The following KANSL1L variants were observed in gnomAD, a reference collection of about 807,000 sequenced individuals.
The protein encoded by KANSL1L is KAT8 regulatory NSL complex subunit 1 like.
In KANSL1L, 25 loss-of-function variants were observed where a neutral mutation model predicts 108.6. The observed-to-expected ratio is 0.23, with a 90% CI of 0.17 to 0.32. The LOEUF (loss-of-function observed/expected upper bound fraction) is 0.32. Ranked by LOEUF, KANSL1L falls within the 10% of genes least tolerant of loss-of-function variation. KANSL1L has a pLI of 1.00. For missense variants in KANSL1L, 1,137 were observed against 1,125.7 expected, an observed-to-expected ratio of 1.01 and a Z score of -0.14; for synonymous variants, 405 against 395.1, an observed-to-expected ratio of 1.03 and a Z score of -0.30.
intron 3 of KANSL1L, among the ~76,000 whole-genome samples, chr2:210,113,688 A>T (rs1334044386): frequency 2.6e-5 from 4 of 152,236 alleles, no homozygotes; most frequent in African/African-American, 9.6e-5. Flanking sequence ...GAAAAAGTCA[A>T]GAAAAAGATG....
At chr2:210,155,465 CAGCTG>C (rs548790794) in intron 1 of KANSL1L, among the ~76,000 whole-genome samples, 356 of 152,242 alleles carry the variant, frequency 2.3e-3, no homozygotes, top group African/African-American at 8.0e-3. Flanking sequence ...TATAACTTCA[CAGCTG>C]TTAAAAATAT....
In KANSL1L at chr2:210,154,112, T is replaced by C; in HGVS notation, c.471A>G (p.Ile157Met). 1 of 1,614,066 alleles carries C rather than the reference T, an allele frequency of 6.2e-7. No individual in the cohort carries two copies. Among genetic ancestry groups the C allele is most frequent in the Non-Finnish European group, 8.5e-7 (1 of 1,179,970 alleles). Residue 157 changes from isoleucine to methionine, a missense_variant, in exon 2 of 15, where the codon ATA (isoleucine) becomes ATG (methionine). This residue lies in a region of KANSL1L where 556 missense variants were observed against 537.7 expected (regional missense o/e 1.03). Coordinates refer to ENST00000281772, the MANE Select transcript of KANSL1L (RefSeq NM_152519.4). Reference sequence around the variant, plus strand: ...CTTTATCTACATTAGTGTCTTTGGTTATATTTGAATCCAGAATAATTTGTA... The same window carrying C: ...CTTTATCTACATTAGTGTCTTTGGTCATATTTGAATCCAGAATAATTTGTA... Reference protein sequence around the residue: ...KDVQIILDSNITKDTNVDKVQ... With the variant: ...KDVQIILDSNMTKDTNVDKVQ...
chr2:210,119,915 C>T (rs1362381432), intron 3 of KANSL1L, among the ~76,000 whole-genome samples: 3 of 152,116 alleles, frequency 2.0e-5, no homozygotes, highest in Admixed American at 2.0e-4. Flanking sequence ...CATCAGGCTA[C>T]CCAACTTCAA....
intron 3 of KANSL1L, among the ~76,000 whole-genome samples, chr2:210,115,271 G>A (rs1375851788): frequency 6.6e-6 from 1 of 151,874 alleles, no homozygotes; most frequent in African/African-American, 2.4e-5. Context: ...AGACAAAACA[G>A]ATTTTAAATT....
chr2:210,078,312 T>C (rs2094556754), intron 5 of KANSL1L, among the ~76,000 whole-genome samples: 1 of 152,212 alleles, frequency 6.6e-6, no homozygotes, highest in African/African-American at 2.4e-5. Flanking sequence ...AGAAACATCA[T>C]TATGTGGTGC....
At chr2:210,050,520 T>C (rs924314619) in intron 6 of KANSL1L, among the ~76,000 whole-genome samples, 1 of 151,956 alleles carries the variant, frequency 6.6e-6, no homozygotes, top group African/African-American at 2.4e-5. Context: ...TATATAAATA[T>C]AGTAGTCTCC....
chr2:210,160,631 T>C (rs1313648257), intron 1 of KANSL1L, among the ~76,000 whole-genome samples: 1 of 152,200 alleles, frequency 6.6e-6, no homozygotes, highest in Non-Finnish European at 1.5e-5. Flanking sequence ...ATGGTCTTTA[T>C]ACTGAAAAAT....
intron 1 of KANSL1L, among the ~76,000 whole-genome samples, chr2:210,162,588 A>G (rs2095367864): frequency 6.6e-6 from 1 of 152,118 alleles, no homozygotes; most frequent in African/African-American, 2.4e-5. Flanking sequence ...TGGCATATAA[A>G]TAGTATTTAC....
At chr2:210,129,209 A>C in intron 2 of KANSL1L, 37 bp from the exon 3 acceptor site, 1 of 1,524,206 alleles carries the variant, frequency 6.6e-7, no homozygotes, top group African/African-American at 1.4e-5. Context: ...CAAAGCACAA[A>C]GGCAATCAAG....
intron 14 of KANSL1L, among the ~76,000 whole-genome samples, chr2:210,023,483 C>T (rs2093890162): frequency 6.6e-6 from 1 of 152,150 alleles, no homozygotes. Flanking sequence ...TGATATACTT[C>T]TACAGTATCT....
intron 2 of KANSL1L, among the ~76,000 whole-genome samples, chr2:210,141,208 TTTTC>T (rs1315159978): frequency 1.3e-5 from 2 of 151,894 alleles, no homozygotes; most frequent in African/African-American, 4.8e-5. Context: ...TTCTTTTTTC[TTTTC>T]TTTCCTTTTT....
intron 2 of KANSL1L, among the ~76,000 whole-genome samples, chr2:210,145,876 G>A (rs1404047736): frequency 2.0e-5 from 3 of 152,124 alleles, no homozygotes; most frequent in Admixed American, 1.3e-4. Context: ...TGCGGCCATG[G>A]AGCCAAGGCC....
At chr2:210,062,203 T>G (rs369090824) in intron 6 of KANSL1L, among the ~76,000 whole-genome samples, 180 of 152,274 alleles carry the variant, frequency 1.2e-3, no homozygotes, top group African/African-American at 3.9e-3. Context: ...TCTCATGAGA[T>G]CTGATGGTTT....
rs2095323831 is a variant in KANSL1L, at chr2:210,154,699, C to T, written c.-29-88G>A. On this transcript the variant is annotated intron_variant, in intron 1 of 14. Transcript: ENST00000281772. ...TCTAAGGGCAACATGTTCAATGTTT[C>T]TGATTAGAACATGAAGGAACAAAAC... 4.3e-6 allele frequency: 3 copies of T among 701,300 alleles called. No individual in the cohort carries two copies. In the East Asian group the frequency reaches 9.2e-5, roughly 22 times the overall value. The allele number at this position is 701,300 out of a possible 1,614,324, so 43.4% of individuals were successfully genotyped here.
chr2:210,152,433 T>A (rs2095309835), intron 2 of KANSL1L: 1 of 152,206 alleles, frequency 6.6e-6, no homozygotes, highest in Non-Finnish European at 1.5e-5. Flanking sequence ...ATTTCCAACA[T>A]CTCAGAAGTT....
chr2:210,076,590 T>C (rs2094543948), intron 5 of KANSL1L, among the ~76,000 whole-genome samples: 1 of 152,072 alleles, frequency 6.6e-6, no homozygotes, highest in Non-Finnish European at 1.5e-5. Flanking sequence ...AAATTTCCAA[T>C]GTTACAGAAA....
chr2:210,128,829 T>A (rs983618047), intron 3 of KANSL1L, among the ~76,000 whole-genome samples: 4 of 152,106 alleles, frequency 2.6e-5, no homozygotes, highest in Non-Finnish European at 4.4e-5. Flanking sequence ...TCTGAATTGC[T>A]CAAAAAGTAT....
chr2:210,084,113 A>G (rs1401322472), intron 5 of KANSL1L, among the ~76,000 whole-genome samples: 3 of 152,120 alleles, frequency 2.0e-5, no homozygotes, highest in Admixed American at 6.5e-5. Flanking sequence ...TTCTTTAAAA[A>G]TAAGATGTAG....
At chr2:210,076,850 T>C (rs1475822932) in intron 5 of KANSL1L, among the ~76,000 whole-genome samples, 3 of 152,032 alleles carry the variant, frequency 2.0e-5, no homozygotes, top group Non-Finnish European at 4.4e-5. Flanking sequence ...CTTAGTTATG[T>C]AGACAAAAGC....
Sources: allele counts gnomAD v4.1 joint callset (sites outside exome capture counted in the v4.1 genomes callset), GRCh38; gene constraint gnomAD v4.1.1; regional missense constraint gnomAD v4.1.1; transcripts MANE v1.5; gene names NCBI Gene and HGNC (gene_info 2026-07-23, HGNC 2026-07-21).